The following PLCZ1 variants were observed in gnomAD, a reference collection of about 807,000 sequenced individuals.
PLCZ1 encodes the protein 1-phosphatidylinositol 4,5-bisphosphate phosphodiesterase zeta-1.
In PLCZ1, 64 loss-of-function variants were observed where a neutral mutation model predicts 76.8. The observed-to-expected ratio is 0.83, with a 90% CI of 0.68 to 1.03. The LOEUF is 1.03. Among genes scored for constraint, PLCZ1 ranks in the 50% least tolerant of loss-of-function variants. The pLI is 0.00. For missense variants in PLCZ1, 751 were observed against 713.7 expected (o/e 1.05, Z -0.60); for synonymous variants, 248 against 230.8 (o/e 1.07, Z -0.68).
intron 11 of PLCZ1, 59 bp downstream of exon 11, chr12:18,696,091 A>G (rs553337303): frequency 1.0e-6 from 1 of 966,392 alleles, no homozygotes; most frequent in Non-Finnish European, 1.6e-6. Flanking sequence ...TCATACATTC[A>G]TAAAATGAAT....
At chr12:18,702,818 C>CTTTTTTTTTTT (rs71064022) in intron 7 of PLCZ1, among the ~76,000 whole-genome samples, 2 of 116,600 alleles carry the variant, frequency 1.7e-5, no homozygotes, top group Admixed American at 9.9e-5. Context: ...GATAAAGTAA[C>CTTTTTTTTTTT]TTTTTTTTTT....
intron 12 of PLCZ1, chr12:18,694,099 G>C (rs1260234536): frequency 1.6e-5 from 17 of 1,058,512 alleles, no homozygotes; most frequent in Non-Finnish European, 2.2e-5. Context: ...TGTATCTCTA[G>C]TGAACTACGG....
At chr12:18,725,626 T>C (rs1401766670) in intron 3 of PLCZ1, among the ~76,000 whole-genome samples, 1 of 152,134 alleles carries the variant, frequency 6.6e-6, no homozygotes, top group Non-Finnish European at 1.5e-5. Context: ...CCCAACTGTA[T>C]TGTGTAGCAT....
the PLCZ1 span, among the ~76,000 whole-genome samples, chr12:18,677,653 C>A: frequency 5.3e-5 from 8 of 152,158 alleles, no homozygotes; most frequent in Middle Eastern, 3.4e-3. Context: ...AACGCCACAC[C>A]AATTTCATCA....
intron 2 of PLCZ1, chr12:18,736,573 ATT>A: frequency 1.3e-6 from 1 of 753,624 alleles, no homozygotes; most frequent in East Asian, 4.7e-5. Flanking sequence ...AAAAAAAAGA[ATT>A]AAAGTTAAAA....
At chr12:18,705,408 C>T (rs773083006) in intron 6 of PLCZ1, 93 bp from the exon 7 acceptor site, 1 of 1,484,434 alleles carries the variant, frequency 6.7e-7, no homozygotes, top group Non-Finnish European at 9.4e-7. Flanking sequence ...TTAAAACTTA[C>T]TTCTAACGTT....
the PLCZ1 span, among the ~76,000 whole-genome samples, chr12:18,657,024 G>A: frequency 1.3e-5 from 2 of 152,052 alleles, no homozygotes; most frequent in Non-Finnish European, 2.9e-5. Flanking sequence ...ATCTCATTCT[G>A]ACCACAAAGA....
chr12:18,736,761 G>A (rs900737751), intron 2 of PLCZ1: 4 of 1,033,256 alleles, frequency 3.9e-6, no homozygotes, highest in Non-Finnish European at 5.3e-6. Context: ...TAAGGAAAGT[G>A]GAAGCATTAG....
the PLCZ1 span, among the ~76,000 whole-genome samples, chr12:18,671,920 A>T: frequency 6.6e-6 from 1 of 152,106 alleles, no homozygotes; most frequent in South Asian, 2.1e-4. Context: ...CCTTTTCATG[A>T]CATCTTGACT....
At chr12:18,671,163 C>T in the PLCZ1 span, among the ~76,000 whole-genome samples, 1 of 143,644 alleles carries the variant, frequency 7.0e-6, no homozygotes, top group Non-Finnish European at 1.5e-5. Context: ...CCCTCCAGCC[C>T]GGGTGACAGG....
chr12:18,645,843 A>G, the PLCZ1 span, among the ~76,000 whole-genome samples: 3 of 152,206 alleles, frequency 2.0e-5, no homozygotes, highest in Admixed American at 1.3e-4. Context: ...TGACTTATTC[A>G]TGCAATTCAC....
intron 9 of PLCZ1, 35 bp downstream of exon 9, chr12:18,701,466 A>G (rs1592119238): frequency 1.2e-6 from 2 of 1,612,296 alleles, no homozygotes; most frequent in Non-Finnish European, 8.5e-7. Context: ...AAACTTTCCA[A>G]TCACTTGTAA....
chr12:18,703,725 A>G (rs966859174), intron 7 of PLCZ1, among the ~76,000 whole-genome samples: 1 of 152,134 alleles, frequency 6.6e-6, no homozygotes, highest in African/African-American at 2.4e-5. Flanking sequence ...GTATAAAACA[A>G]TTTTCACTTT....
At chr12:18,696,628 A>G (rs1044478354) in intron 10 of PLCZ1, among the ~76,000 whole-genome samples, 1 of 152,014 alleles carries the variant, frequency 6.6e-6, no homozygotes, top group Admixed American at 6.6e-5. Context: ...TTTTCAAAAC[A>G]AAAGCAGCAT....
In PLCZ1 at chr12:18,709,382, T is replaced by C. The variant is rs75215279; in HGVS notation, c.714+3460A>G. Among the ~76,000 whole-genome samples, 1,103 of 152,226 alleles carry C rather than the reference T, an allele frequency of 7.2e-3. 11 individuals carry two copies. Among genetic ancestry groups the C allele is most frequent in the African/African-American group, 0.025 (1,053 of 41,548 alleles). ...TCTGTTCCACTGGTCTATATGTCTG[T>C]TTTTCTGCACAGGACCATGCTGTAT... On this transcript the variant is annotated intron_variant, in intron 6 of 14. Transcript: ENST00000266505.
chr12:18,650,712 CTATATATA>C, the PLCZ1 span, among the ~76,000 whole-genome samples: 936 of 13,986 alleles, frequency 0.067, 13 homozygotes, highest in Non-Finnish European at 0.094. Flanking sequence ...GTGTATATAT[CTATATATA>C]TATATATATA....
At chr12:18,665,324 A>G in the PLCZ1 span, among the ~76,000 whole-genome samples, 1 of 152,080 alleles carries the variant, frequency 6.6e-6, no homozygotes, top group African/African-American at 2.4e-5. Context: ...TAGTTGTAGA[A>G]TGAGAATGTA....
downstream of PLCZ1, among the ~76,000 whole-genome samples, chr12:18,678,909 A>G (rs1177959247): frequency 1.3e-5 from 2 of 152,064 alleles, no homozygotes; most frequent in Non-Finnish European, 2.9e-5. Context: ...CTTTGTAAGA[A>G]ATGGTCAAAC....
intron 13 of PLCZ1, among the ~76,000 whole-genome samples, chr12:18,685,921 A>G (rs918359820): frequency 5.9e-5 from 9 of 151,880 alleles, no homozygotes; most frequent in African/African-American, 2.2e-4. Context: ...TCAGTTGTCA[A>G]CATAAAAAAA....
Sources: allele counts gnomAD v4.1 joint callset (sites outside exome capture counted in the v4.1 genomes callset), GRCh38; gene constraint gnomAD v4.1.1; transcripts MANE v1.5; gene names NCBI Gene and HGNC (gene_info 2026-07-23, HGNC 2026-07-21).